DCC: variants seen among roughly 807,000 people sequenced by gnomAD.
DCC encodes netrin receptor DCC.
A neutral mutation model predicts 172.5 loss-of-function variants in DCC; 58 were observed. That is an observed-to-expected ratio of 0.34 (90% CI 0.27 to 0.42). DCC has a LOEUF of 0.42. Among genes scored for constraint, DCC ranks in the 10% least tolerant of loss-of-function variants. DCC has a pLI of 1.00. For synonymous variants in DCC, 709 were observed against 644.5 expected (o/e 1.10, Z -1.52); for missense variants, 1,740 against 1,791.0 (o/e 0.97, Z 0.51).
rs1243833116 is a variant in DCC at position 53,229,804 on chromosome 18, T to C, written c.1911+14207T>C. Among the ~76,000 whole-genome samples the C allele has an allele frequency of 2.0e-5, 3 of 152,104 alleles. No homozygotes were observed. In the East Asian group the frequency reaches 5.8e-4, roughly 29 times the overall value. ...GTTTAAAGAAAGGAAAAAAGCTGACTTAATTATATTGTGGCTGTGAACATG... is the reference window on the plus strand; with the variant it reads ...GTTTAAAGAAAGGAAAAAAGCTGACCTAATTATATTGTGGCTGTGAACATG... On this transcript the variant is annotated intron_variant, in intron 12 of 28. Transcript: ENST00000442544.
In DCC at chr18:52,936,169, C is replaced by T. The variant is rs193189519; in HGVS notation, c.985+10799C>T. The stretch of plus-strand genomic sequence containing the variant: ...ACCTATTAGGTGCTTCTTCCCATTG[C>T]TATGCAGATTACTTATCTTAGTTAT... On this transcript the variant is annotated intron_variant, in intron 5 of 28. Coordinates refer to ENST00000442544, the MANE Select transcript of DCC (RefSeq NM_005215.4). Among the ~76,000 whole-genome samples, 171 of 152,228 alleles carry T rather than the reference C, an allele frequency of 1.1e-3. 1 individual carries two copies. The highest frequency in any genetic ancestry group is 4.0e-3 in the African/African-American group (165 of 41,556).
chr18:52,852,085 C>T (rs1408504218), intron 2 of DCC, among the ~76,000 whole-genome samples: 2 of 152,006 alleles, frequency 1.3e-5, no homozygotes, highest in Non-Finnish European at 2.9e-5. Flanking sequence ...ACAAGTTTAA[C>T]TTAAAATTGG....
intron 17 of DCC, among the ~76,000 whole-genome samples, chr18:53,395,851 C>T (rs1908899163): frequency 3.3e-5 from 5 of 152,140 alleles, no homozygotes; most frequent in Admixed American, 3.3e-4. Context: ...CCATATTGGT[C>T]AGGCTAGTCT....
In DCC at chr18:53,423,207, AT is replaced by A. The variant is rs1910732398; in HGVS notation, c.3163+7053del. On this transcript the variant is annotated intron_variant, in intron 21 of 28. Transcript: ENST00000442544. ...TTTTTGTTTATACACTTCAAATAAA[AT>A]TCCATAAACAGGTTCTTCTTGTAAG... 2.6e-5 allele frequency among the ~76,000 whole-genome samples: 4 copies of A among 152,312 alleles called. No homozygotes were observed. In the South Asian group the frequency reaches 8.3e-4, roughly 32 times the overall value.
intron 7 of DCC, among the ~76,000 whole-genome samples, chr18:53,129,361 A>C (rs1026972968): frequency 6.6e-6 from 1 of 152,070 alleles, no homozygotes; most frequent in Non-Finnish European, 1.5e-5. Context: ...ACACATCTCA[A>C]GTGTTGAGTT....
At chr18:53,254,050 G>A (rs1023537806) in intron 12 of DCC, among the ~76,000 whole-genome samples, 3 of 152,018 alleles carry the variant, frequency 2.0e-5, no homozygotes, top group African/African-American at 4.8e-5. Flanking sequence ...AAAAACATCA[G>A]GAGAGTTGTA....
chr18:52,642,079 TACAC>T (rs200347229), intron 1 of DCC, among the ~76,000 whole-genome samples: 13,375 of 100,524 alleles, frequency 0.13, 1,033 homozygotes, highest in African/African-American at 0.19. Flanking sequence ...TATATATATA[TACAC>T]ACACACACAC....
At chr18:52,686,654 CTG>C (rs1248104549) in intron 1 of DCC, among the ~76,000 whole-genome samples, 1 of 152,124 alleles carries the variant, frequency 6.6e-6, no homozygotes, top group African/African-American at 2.4e-5. Flanking sequence ...TTCTTGTGAA[CTG>C]TGCAAAAGTT....
At chr18:53,453,842 TG>T (rs1276627242) in intron 23 of DCC, among the ~76,000 whole-genome samples, 1 of 152,212 alleles carries the variant, frequency 6.6e-6, no homozygotes, top group Non-Finnish European at 1.5e-5. Context: ...TTGGTTTTTT[TG>T]TCCAGAGCCA....
At chr18:53,209,107 T>C (rs934707752) in intron 11 of DCC, among the ~76,000 whole-genome samples, 33 of 152,210 alleles carry the variant, frequency 2.2e-4, no homozygotes, top group Non-Finnish European at 8.8e-5. Flanking sequence ...CTAATATTTT[T>C]ATTTTTTGCA....
chr18:53,027,714 C>T (rs990851598), intron 5 of DCC, among the ~76,000 whole-genome samples: 1 of 152,052 alleles, frequency 6.6e-6, no homozygotes, highest in African/African-American at 2.4e-5. Flanking sequence ...CTCCTCCTTT[C>T]CTTTCTTTTA....
chr18:53,439,614 T>C (rs943781175), intron 22 of DCC, among the ~76,000 whole-genome samples: 2 of 152,158 alleles, frequency 1.3e-5, no homozygotes, highest in Admixed American at 1.3e-4. Context: ...AATGTACTCT[T>C]GGAATTCAAA....
intron 21 of DCC, among the ~76,000 whole-genome samples, chr18:53,427,674 T>C (rs555589642): frequency 2.1e-4 from 32 of 150,744 alleles, no homozygotes; most frequent in African/African-American, 7.8e-4. Context: ...AAGATCTTGA[T>C]CTGTCCAGCT....
chr18:52,891,737 A>G (rs1011421158), intron 2 of DCC, among the ~76,000 whole-genome samples: 1 of 152,144 alleles, frequency 6.6e-6, no homozygotes, highest in African/African-American at 2.4e-5. Context: ...AAACATATTC[A>G]ACATTCAATA....
intron 1 of DCC, among the ~76,000 whole-genome samples, chr18:52,399,435 A>G (rs1355042449): frequency 2.6e-5 from 4 of 151,966 alleles, no homozygotes; most frequent in Non-Finnish European, 5.9e-5. Context: ...TTTTCTATTG[A>G]AAGAGTGTAA....
chr18:52,619,070 T>C (rs563425343), intron 1 of DCC, among the ~76,000 whole-genome samples: 1 of 152,276 alleles, frequency 6.6e-6, no homozygotes, highest in African/African-American at 2.4e-5. Flanking sequence ...CCTGAGTAGC[T>C]GGGATTACGG....
At chr18:52,497,057 C>G (rs2030783170) in intron 1 of DCC, among the ~76,000 whole-genome samples, 1 of 151,170 alleles carries the variant, frequency 6.6e-6, no homozygotes. Context: ...AGTTCAAGAC[C>G]AGCCTGGACA....
chr18:53,453,273 C>A lies in DCC; in HGVS notation c.3392+2611C>A, dbSNP rs145448767. 3.7e-3 allele frequency among the ~76,000 whole-genome samples: 566 copies of A among 152,260 alleles called. 4 individuals carry two copies. Among genetic ancestry groups the A allele is most frequent in the African/African-American group, 0.013 (551 of 41,538 alleles). Reference sequence around the variant, plus strand: ...TGAGGACCGCTACTCCTCTGCATCACAATTGAGCCCTTCAGAACAAACTGG... The same window carrying A: ...TGAGGACCGCTACTCCTCTGCATCAAAATTGAGCCCTTCAGAACAAACTGG... On this transcript the variant is annotated intron_variant, in intron 23 of 28. Transcript: ENST00000442544.
chr18:52,515,416 G>A (rs766199100), intron 1 of DCC, among the ~76,000 whole-genome samples: 76 of 151,404 alleles, frequency 5.0e-4, no homozygotes, highest in Non-Finnish European at 8.3e-4. Context: ...GACCATCCTG[G>A]CTAACACGGT....
Sources: gnomAD v4.1 joint callset for allele counts (sites outside exome capture counted in the v4.1 genomes callset) on GRCh38, gnomAD v4.1.1 for gene constraint, MANE v1.5 for transcripts, NCBI Gene and HGNC (gene_info 2026-07-23, HGNC 2026-07-21) for gene names.